The following STAG1 variants were observed in gnomAD, a reference collection of about 807,000 sequenced individuals.
STAG1 encodes cohesin subunit SA-1.
A neutral mutation model predicts 170.9 loss-of-function variants in STAG1; 26 were observed. The observed-to-expected ratio is 0.15, with a 90% CI of 0.11 to 0.21. The LOEUF is 0.21. Ranked by LOEUF, STAG1 falls within the 10% of genes least tolerant of loss-of-function variation. STAG1 has a pLI of 1.00. For missense variants in STAG1, 964 were observed against 1,509.5 expected (o/e 0.64, Z 5.99); for synonymous variants, 514 against 497.7 (o/e 1.03, Z -0.44).
intron 12 of STAG1, among the ~76,000 whole-genome samples, chr3:136,470,439 C>G (rs1408921662): frequency 6.6e-6 from 1 of 152,112 alleles, no homozygotes; most frequent in Admixed American, 6.5e-5. Flanking sequence ...CAATGAGATA[C>G]CATCTCACAC....
intron 1 of STAG1, among the ~76,000 whole-genome samples, chr3:136,744,298 G>T (rs1368943759): frequency 6.6e-6 from 1 of 152,196 alleles, no homozygotes; most frequent in Non-Finnish European, 1.5e-5. Context: ...TTGCACTCCA[G>T]CCTGGGCAAC....
intron 1 of STAG1, among the ~76,000 whole-genome samples, chr3:136,662,292 C>A (rs1192734109): frequency 6.6e-6 from 1 of 151,884 alleles, no homozygotes; most frequent in African/African-American, 2.4e-5. Flanking sequence ...ACTGGGATTA[C>A]AGGTACCTGC....
intron 1 of STAG1, among the ~76,000 whole-genome samples, chr3:136,679,949 C>A (rs987776127): frequency 1.5e-4 from 23 of 151,818 alleles, no homozygotes; most frequent in Admixed American, 1.1e-3. Flanking sequence ...TTCAAAGATA[C>A]AACATTATTT....
intron 22 of STAG1, among the ~76,000 whole-genome samples, chr3:136,381,343 C>T (rs1041671060): frequency 1.1e-4 from 17 of 151,806 alleles, no homozygotes; most frequent in African/African-American, 4.1e-4. Flanking sequence ...ATGAAGAAAT[C>T]TAAGAAATTA....
intron 25 of STAG1, among the ~76,000 whole-genome samples, chr3:136,365,462 A>G (rs1348060083): frequency 1.3e-5 from 2 of 152,172 alleles, no homozygotes; most frequent in African/African-American, 4.8e-5. Context: ...AGATAATCAT[A>G]GTTCTGATTT....
intron 9 of STAG1, among the ~76,000 whole-genome samples, chr3:136,478,129 A>T (rs969087939): frequency 6.6e-6 from 1 of 152,202 alleles, no homozygotes; most frequent in Non-Finnish European, 1.5e-5. Flanking sequence ...CATGTAATGA[A>T]TTAAAAGAAA....
chr3:136,366,003 T>C lies in STAG1; in HGVS notation c.2685+940A>G, dbSNP rs1937060157. On this transcript the variant is annotated intron_variant, in intron 25 of 33. Coordinates refer to ENST00000383202, the MANE Select transcript of STAG1 (RefSeq NM_005862.3). Reference sequence around the variant, plus strand: ...CTGTTTACACATTAGCTTTAGGAAGTCTTCTCTTGCTCCTCTCACTTAAGT... The same window carrying C: ...CTGTTTACACATTAGCTTTAGGAAGCCTTCTCTTGCTCCTCTCACTTAAGT... Among the ~76,000 whole-genome samples the C allele has an allele frequency of 2.0e-5, 3 of 151,832 alleles. No homozygotes were observed. The South Asian group carries it at 6.2e-4, about 32-fold the overall frequency.
intron 1 of STAG1, among the ~76,000 whole-genome samples, chr3:136,644,356 C>A (rs1489983144): frequency 1.3e-5 from 2 of 152,118 alleles, no homozygotes; most frequent in Non-Finnish European, 2.9e-5. Flanking sequence ...CATAACCATA[C>A]ACTTTTATCA....
chr3:136,750,884 C>T (rs971979259), intron 1 of STAG1, among the ~76,000 whole-genome samples: 1 of 152,198 alleles, frequency 6.6e-6, no homozygotes, highest in Non-Finnish European at 1.5e-5. Context: ...CGTTACATTA[C>T]CATACAATAA....
chr3:136,540,822 C>CAAAAA (rs554338920), intron 6 of STAG1, among the ~76,000 whole-genome samples: 560 of 46,312 alleles, frequency 0.012, 73 homozygotes, highest in Non-Finnish European at 0.017. Context: ...ACTGTGTCTC[C>CAAAAA]AAAAAAAAAA....
At chr3:136,463,735 A>ATGTGTGTGCGTGTG (rs1553725773) in intron 13 of STAG1, among the ~76,000 whole-genome samples, 5 of 101,204 alleles carry the variant, frequency 4.9e-5, no homozygotes, top group East Asian at 1.3e-3. Context: ...AAATGTGTAT[A>ATGTGTGTGCGTGTG]TGTGTGTGTG....
chr3:136,442,089 T>G (rs1449207883), intron 15 of STAG1, among the ~76,000 whole-genome samples: 2 of 152,120 alleles, frequency 1.3e-5, no homozygotes, highest in Non-Finnish European at 1.5e-5. Context: ...TCCCAGCTAC[T>G]CAGGAGCCTG....
At chr3:136,556,198 G>A (rs1936608303) in intron 5 of STAG1, among the ~76,000 whole-genome samples, 1 of 151,940 alleles carries the variant, frequency 6.6e-6, no homozygotes, top group African/African-American at 2.4e-5. Context: ...ATTTAATAAC[G>A]GACGTATAAG....
intron 9 of STAG1, among the ~76,000 whole-genome samples, chr3:136,484,897 C>G (rs1029840563): frequency 6.6e-6 from 1 of 152,046 alleles, no homozygotes; most frequent in Non-Finnish European, 1.5e-5. Flanking sequence ...CTGACCCTTG[C>G]GCTTCCCAGG....
chr3:136,374,144 T>A (rs1937490926), intron 23 of STAG1, among the ~76,000 whole-genome samples: 1 of 152,172 alleles, frequency 6.6e-6, no homozygotes, highest in African/African-American at 2.4e-5. Flanking sequence ...GTCTGTTTCA[T>A]CCGAGACTAG....
At chr3:136,492,674 G>A (rs1576527252) in intron 9 of STAG1, among the ~76,000 whole-genome samples, 1 of 152,052 alleles carries the variant, frequency 6.6e-6, no homozygotes, top group Non-Finnish European at 1.5e-5. Flanking sequence ...GTTTAAGCAG[G>A]GTAAAATTTA....
chr3:136,389,294 C>T (rs1194381601), intron 22 of STAG1, among the ~76,000 whole-genome samples: 1 of 152,030 alleles, frequency 6.6e-6, no homozygotes, highest in Non-Finnish European at 1.5e-5. Context: ...AGGCCTTATG[C>T]TTTATTTACT....
At chr3:136,751,809 G>GACTCCCGAGAGCCCGGGC (rs1559990794) in intron 1 of STAG1, among the ~76,000 whole-genome samples, 1 of 54,506 alleles carries the variant, frequency 1.8e-5, no homozygotes, top group African/African-American at 1.5e-4. Flanking sequence ...GAGCCCGGGC[G>GACTCCCGAGAGCCCGGGC]GGGGGGGGCG....
Position 136,349,164 on chromosome 3 carries a change from C to T in STAG1, c.3265G>A (p.Val1089Ile), listed in dbSNP as rs758198717. ...KGRPPLHKKR[V>I]EDESLDNTWL... ...AGTGTAAAGGCAGACTTACCTTCTA[C>T]TCGTTTTTTATGAAGTGGAGGTCGT... Residue 1089 changes from valine to isoleucine, a missense_variant, in exon 29 of 34, where the codon GTA (valine) becomes ATA (isoleucine). Physicochemically the swap from Val to Ile is conservative, Grantham distance 29. Transcript: ENST00000383202. 6.2e-7 allele frequency: 1 copy of T among 1,613,318 alleles called. No individual in the cohort carries two copies. Among genetic ancestry groups the T allele is most frequent in the South Asian group, 1.1e-5 (1 of 91,058 alleles).
Sources: gnomAD v4.1 joint callset for allele counts (sites outside exome capture counted in the v4.1 genomes callset) on GRCh38, gnomAD v4.1.1 for gene constraint, MANE v1.5 for transcripts, NCBI Gene and HGNC (gene_info 2026-07-23, HGNC 2026-07-21) for gene names.